Variants in ACACA observed in about 807,000 individuals in gnomAD.
The protein encoded by ACACA is acetyl-CoA carboxylase 1.
In ACACA, 103 loss-of-function variants were observed where a neutral mutation model predicts 296.1. The ratio of observed to expected loss-of-function variants is 0.35; its 90% CI spans 0.30 to 0.41. The LOEUF (loss-of-function observed/expected upper bound fraction) is 0.41, where lower values mean the gene tolerates loss of function less well. Ranked by LOEUF, ACACA falls within the 10% of genes least tolerant of loss-of-function variation. ACACA has a pLI of 1.00. For synonymous variants in ACACA, 953 were observed against 1,038.6 expected, an observed-to-expected ratio of 0.92 and a Z score of 1.58; for missense variants, 1,554 against 2,989.7, an observed-to-expected ratio of 0.52 and a Z score of 11.20.
At chr17:37,384,607 G>T (rs1303020888) in intron 1 of ACACA, among the ~76,000 whole-genome samples, 2 of 151,430 alleles carry the variant, frequency 1.3e-5, no homozygotes, top group Admixed American at 1.3e-4. Context: ...TCCAAAGTGA[G>T]ATTTGTTTAT....
At chr17:37,143,739 C>T in intron 45 of ACACA, 2 of 921,434 alleles carry the variant, frequency 2.2e-6, no homozygotes, top group Admixed American at 1.7e-5. Flanking sequence ...TCTTCCTCAT[C>T]TTCCTTGTTT....
intron 38 of ACACA, among the ~76,000 whole-genome samples, chr17:37,190,828 T>C (rs1196149475): frequency 6.6e-6 from 1 of 152,158 alleles, no homozygotes; most frequent in Non-Finnish European, 1.5e-5. Context: ...ATGGCAAATA[T>C]AAAATAGGTA....
At chr17:37,367,250 T>G (rs990047908) in intron 1 of ACACA, among the ~76,000 whole-genome samples, 1 of 149,798 alleles carries the variant, frequency 6.7e-6, no homozygotes, top group South Asian at 2.1e-4. Flanking sequence ...GAAGAAAGAA[T>G]AAAGACAACA....
intron 3 of ACACA, among the ~76,000 whole-genome samples, chr17:37,315,969 G>C (rs1277596979): frequency 6.6e-6 from 1 of 152,074 alleles, no homozygotes; most frequent in African/African-American, 2.4e-5. Context: ...TGGTCTTTCT[G>C]GTTAACAGAC....
At position 37,179,159 on chromosome 17, in the gene ACACA, C is replaced by G. The variant is rs2077226505; in HGVS notation, c.5079+101G>C. The G allele has an allele frequency of 6.2e-6, 9 of 1,459,966 alleles. No homozygotes were observed. In the Admixed American group the frequency reaches 8.7e-5, roughly 14 times the overall value. The allele number at this position is 1,459,966 out of a possible 1,614,324, so 90.4% of individuals were successfully genotyped here. ...TGCTCTCTCTAAAGAACTCTCCCAACAAGACTACCATGCTCCAGTGCTATT... is the reference window on the plus strand; with the variant it reads ...TGCTCTCTCTAAAGAACTCTCCCAAGAAGACTACCATGCTCCAGTGCTATT... On this transcript the variant is annotated intron_variant, in intron 41 of 55. Coordinates refer to ENST00000616317, the MANE Select transcript of ACACA (RefSeq NM_198834.3).
intron 1 of ACACA, among the ~76,000 whole-genome samples, chr17:37,350,311 AC>A (rs1390409270): frequency 6.6e-6 from 1 of 151,658 alleles, no homozygotes; most frequent in Admixed American, 6.6e-5. Context: ...AGCCTGGGCA[AC>A]ATAGTGAACC....
At chr17:37,091,121 G>GTATT (rs907374742) in intron 54 of ACACA, among the ~76,000 whole-genome samples, 33 of 152,198 alleles carry the variant, frequency 2.2e-4, no homozygotes, top group Admixed American at 1.4e-3. Context: ...TTGGTGTAAT[G>GTATT]TATTAGCTAA....
At chr17:37,161,098 A>C (rs2076441126) in intron 42 of ACACA, among the ~76,000 whole-genome samples, 1 of 152,220 alleles carries the variant, frequency 6.6e-6, no homozygotes, top group Non-Finnish European at 1.5e-5. Flanking sequence ...CATGACTATT[A>C]GTAATGGACA....
intron 1 of ACACA, among the ~76,000 whole-genome samples, chr17:37,356,768 A>G (rs925205555): frequency 2.6e-5 from 4 of 152,184 alleles, no homozygotes; most frequent in Non-Finnish European, 5.9e-5. Context: ...TCCTCCCACA[A>G]TTGAAAATAC....
intron 1 of ACACA, among the ~76,000 whole-genome samples, chr17:37,399,267 C>T (rs980234830): frequency 3.3e-5 from 5 of 152,144 alleles, no homozygotes; most frequent in Admixed American, 3.3e-4. Context: ...AGGCATGAGC[C>T]ACCGCACCAG....
At chr17:37,270,274 G>A (rs1056965233) in intron 10 of ACACA, among the ~76,000 whole-genome samples, 3 of 152,172 alleles carry the variant, frequency 2.0e-5, no homozygotes, top group African/African-American at 7.2e-5. Flanking sequence ...GAAACTCAGA[G>A]GTCTCTAGGC....
chr17:37,191,019 G>T, intron 38 of ACACA, 101 bp downstream of exon 38: 3 of 1,397,558 alleles, frequency 2.1e-6, no homozygotes, highest in South Asian at 2.4e-5. Flanking sequence ...TCAACAGCCT[G>T]AACAAGGAGT....
chr17:37,246,290 A>G (rs1269244369), intron 19 of ACACA, among the ~76,000 whole-genome samples: 2 of 152,170 alleles, frequency 1.3e-5, no homozygotes, highest in African/African-American at 4.8e-5. Context: ...AACAAGTGCT[A>G]TTGCCTAGTA....
In ACACA at chr17:37,240,643, C is replaced by T; in HGVS notation, c.3033-79G>A. Reference sequence around the variant, plus strand: ...CAATAAACCCAAAGGCCAAATTTACCTCCACGACATTCCACTGAACTGCTT... The same window carrying T: ...CAATAAACCCAAAGGCCAAATTTACTTCCACGACATTCCACTGAACTGCTT... On this transcript the variant is annotated intron_variant, in intron 23 of 55. Coordinates refer to ENST00000616317, the MANE Select transcript of ACACA (RefSeq NM_198834.3). The T allele has an allele frequency of 2.7e-6, 3 of 1,115,810 alleles. No individual in the cohort carries two copies. In the Admixed American group the frequency reaches 5.8e-5, roughly 22 times the overall value. 69.1% of individuals were successfully genotyped at this position (1,115,810 alleles called of 1,614,324 possible). A position where few individuals can be genotyped will look rare whatever the true frequency, so the allele number is the denominator to read the frequency against.
At chr17:37,340,691 T>C (rs778355941) in intron 1 of ACACA, among the ~76,000 whole-genome samples, 1 of 152,180 alleles carries the variant, frequency 6.6e-6, no homozygotes, top group Non-Finnish European at 1.5e-5. Context: ...ATTTATCCAG[T>C]TATGCAGTCT....
intron 43 of ACACA, among the ~76,000 whole-genome samples, chr17:37,153,098 T>C (rs182083136): frequency 1.6e-4 from 25 of 152,358 alleles, no homozygotes; most frequent in Non-Finnish European, 2.4e-4. Context: ...TAATTGTATA[T>C]GTGTTTGTGT....
At chr17:37,340,235 A>G (rs2048322506) in intron 1 of ACACA, among the ~76,000 whole-genome samples, 1 of 152,234 alleles carries the variant, frequency 6.6e-6, no homozygotes, top group Non-Finnish European at 1.5e-5. Flanking sequence ...GATTATGTTT[A>G]CAAGCGGTTA....
chr17:37,253,265 G>A (rs1006815123), intron 14 of ACACA, among the ~76,000 whole-genome samples: 18 of 151,976 alleles, frequency 1.2e-4, no homozygotes, highest in East Asian at 7.7e-4. Flanking sequence ...GGTGGCGGGC[G>A]CCTGTAGTCC....
At chr17:37,194,836 C>G (rs572724967) in intron 35 of ACACA, among the ~76,000 whole-genome samples, 2 of 152,094 alleles carry the variant, frequency 1.3e-5, no homozygotes, top group African/African-American at 4.8e-5. Context: ...AGCTCATTTA[C>G]CAACCTCAGG....
Sources: allele counts gnomAD v4.1 joint callset (sites outside exome capture counted in the v4.1 genomes callset), GRCh38; gene constraint gnomAD v4.1.1; transcripts MANE v1.5; gene names NCBI Gene and HGNC (gene_info 2026-07-23, HGNC 2026-07-21).